The following COL10A1 variants were observed in gnomAD, a reference collection of about 807,000 sequenced individuals.
COL10A1 encodes collagen alpha-1(X) chain.
In COL10A1, 10 loss-of-function variants were observed where a neutral mutation model predicts 18.2. The ratio of observed to expected loss-of-function variants is 0.55; its 90% confidence interval spans 0.34 to 0.93. The LOEUF (loss-of-function observed/expected upper bound fraction) is 0.93, where lower values mean the gene tolerates loss of function less well. Among genes scored for constraint, COL10A1 ranks in the 40% least tolerant of loss-of-function variants. The pLI is 0.02. For missense variants in COL10A1, 897 were observed against 853.5 expected (o/e 1.05, Z -0.64); for synonymous variants, 330 against 316.6 (o/e 1.04, Z -0.45).
the COL10A1 span, among the ~76,000 whole-genome samples, chr6:116,196,960 A>G: frequency 1.3e-5 from 2 of 151,320 alleles, no homozygotes; most frequent in Non-Finnish European, 2.9e-5. Context: ...AGTTCTATCT[A>G]GTTGCATCTG....
At chr6:116,147,690 C>T (rs1779933220) in intron 1 of COL10A1, among the ~76,000 whole-genome samples, 1 of 152,058 alleles carries the variant, frequency 6.6e-6, no homozygotes, top group African/African-American at 2.4e-5. Flanking sequence ...TTTATATAAA[C>T]TTTAAAAATG....
the COL10A1 span, among the ~76,000 whole-genome samples, chr6:116,166,369 G>T: frequency 3.3e-5 from 5 of 152,120 alleles, no homozygotes; most frequent in Non-Finnish European, 7.3e-5. Context: ...TTTGATACAT[G>T]GTGGTTGGAT....
At chr6:116,141,089 G>A (rs1352908114) in intron 1 of COL10A1, among the ~76,000 whole-genome samples, 1 of 152,074 alleles carries the variant, frequency 6.6e-6, no homozygotes, top group African/African-American at 2.4e-5. Context: ...CCCACTTGGT[G>A]TCATTTAAAC....
chr6:116,207,297 AAT>A, the COL10A1 span, among the ~76,000 whole-genome samples: 47,293 of 151,700 alleles, frequency 0.31, 8,717 homozygotes, highest in African/African-American at 0.51. Context: ...TTTTAAGATC[AAT>A]AGAGTCTATA....
chr6:116,201,169 A>C, the COL10A1 span, among the ~76,000 whole-genome samples: 1 of 152,044 alleles, frequency 6.6e-6, no homozygotes, highest in African/African-American at 2.4e-5. Context: ...GAGTCACCAC[A>C]TGTAAAATCT....
At chr6:116,183,213 A>G in the COL10A1 span, among the ~76,000 whole-genome samples, 7 of 152,032 alleles carry the variant, frequency 4.6e-5, no homozygotes, top group East Asian at 9.7e-4. Context: ...TGGGTTCTCT[A>G]TTCTGTTCCA....
the COL10A1 span, among the ~76,000 whole-genome samples, chr6:116,215,872 A>G: frequency 1.3e-5 from 2 of 152,134 alleles, no homozygotes; most frequent in South Asian, 4.1e-4. Context: ...CCGACCCAAA[A>G]TCATATTTAT....
At chr6:116,193,610 A>T in the COL10A1 span, among the ~76,000 whole-genome samples, 7 of 152,224 alleles carry the variant, frequency 4.6e-5, no homozygotes, top group African/African-American at 1.4e-4. Context: ...AATATGTCTC[A>T]TCTCTGTGCT....
At chr6:116,211,928 A>G in the COL10A1 span, among the ~76,000 whole-genome samples, 1 of 152,012 alleles carries the variant, frequency 6.6e-6, no homozygotes, top group Non-Finnish European at 1.5e-5. Context: ...AATGTTGCAA[A>G]GAGTATTGGG....
the COL10A1 span, among the ~76,000 whole-genome samples, chr6:116,187,831 T>G: frequency 6.6e-6 from 1 of 152,072 alleles, no homozygotes; most frequent in East Asian, 1.9e-4. Flanking sequence ...ATAGAAACAG[T>G]ATTGATTGAT....
At chr6:116,213,461 C>T in the COL10A1 span, among the ~76,000 whole-genome samples, 4 of 152,052 alleles carry the variant, frequency 2.6e-5, no homozygotes, top group Admixed American at 2.6e-4. Flanking sequence ...TTAAGGGCTA[C>T]ACCTGGAACT....
intron 1 of COL10A1, among the ~76,000 whole-genome samples, chr6:116,131,733 G>C (rs1562130811): frequency 1.3e-5 from 2 of 152,062 alleles, no homozygotes; most frequent in African/African-American, 4.8e-5. Context: ...AGGTAAACTT[G>C]TGTCATGGGG....
At position 116,121,726 on chromosome 6, in the gene COL10A1, T is replaced by C. The variant is rs778267886; in HGVS notation, c.390A>G (p.Gly130=). The change falls in exon 3 of 3, where the codon GGA becomes GGG. Residue 130 remains glycine (G), a synonymous_variant. Transcript: ENST00000651968. The part of the protein sequence containing the change: ...RGPYGPKGDV[G]PAGLPGPRGP... ...CCCGGGGTCCTGGTAGGCCAGCTGG[T>C]CCAACATCTCCTTTTGGTCCATATG... 1 of 1,613,950 alleles carries C rather than the reference T, an allele frequency of 6.2e-7. No homozygotes were observed. The highest frequency in any genetic ancestry group is 1.7e-5 in the Admixed American group (1 of 60,004).
upstream of COL10A1, among the ~76,000 whole-genome samples, chr6:116,126,636 A>G (rs1376548770): frequency 4.6e-5 from 7 of 152,178 alleles, no homozygotes; most frequent in African/African-American, 9.7e-5. Context: ...ATTCTTAATT[A>G]CTTTTAGGCT....
the COL10A1 span, among the ~76,000 whole-genome samples, chr6:116,176,762 A>T: frequency 1.3e-5 from 2 of 152,238 alleles, no homozygotes; most frequent in African/African-American, 4.8e-5. Flanking sequence ...CTGAGGAAGC[A>T]GGTAGCACCG....
the COL10A1 span, among the ~76,000 whole-genome samples, chr6:116,172,431 C>T: frequency 0.013 from 1,892 of 149,952 alleles, 17 homozygotes; most frequent in Non-Finnish European, 0.016. Flanking sequence ...AGGCAATTCT[C>T]CTGCCTCAGC....
chr6:116,206,392 A>C, the COL10A1 span, among the ~76,000 whole-genome samples: 1 of 152,048 alleles, frequency 6.6e-6, no homozygotes, highest in African/African-American at 2.4e-5. Flanking sequence ...TTTATAGATA[A>C]GCCAACAGTC....
At chr6:116,152,419 T>C (rs1246645143) in intron 1 of COL10A1, among the ~76,000 whole-genome samples, 1 of 152,048 alleles carries the variant, frequency 6.6e-6, no homozygotes, top group African/African-American at 2.4e-5. Flanking sequence ...AAAAAAAAAT[T>C]AGAAAACAAC....
chr6:116,205,672 G>A, the COL10A1 span, among the ~76,000 whole-genome samples: 51 of 151,912 alleles, frequency 3.4e-4, no homozygotes, highest in African/African-American at 1.1e-3. Flanking sequence ...TGTAGTTTCC[G>A]TCTTTATTCT....
Sources: gnomAD v4.1 joint callset for allele counts (sites outside exome capture counted in the v4.1 genomes callset) on GRCh38, gnomAD v4.1.1 for gene constraint, MANE v1.5 for transcripts, NCBI Gene and HGNC (gene_info 2026-07-23, HGNC 2026-07-21) for gene names.